The following PHLPP2 variants were observed in gnomAD, a reference collection of about 807,000 sequenced individuals.
PHLPP2 encodes the protein PH domain leucine-rich repeat-containing protein phosphatase 2.
Under a neutral mutation model 124.9 loss-of-function variants are expected in PHLPP2, and 66 were observed. The observed-to-expected ratio is 0.53, with a 90% confidence interval of 0.43 to 0.65. PHLPP2 has a LOEUF of 0.65. Among genes scored for constraint, PHLPP2 ranks in the 30% least tolerant of loss-of-function variants. PHLPP2 has a pLI of 0.00. For synonymous variants in PHLPP2, 681 were observed against 624.7 expected (o/e 1.09, Z -1.34); for missense variants, 1,685 against 1,600.4 (o/e 1.05, Z -0.90).
intron 3 of PHLPP2, chr16:71,698,473 G>T: frequency 1.3e-6 from 1 of 750,766 alleles, no homozygotes; most frequent in Non-Finnish European, 2.4e-6. Flanking sequence ...CTCGGCCACA[G>T]TGCCCTGCGG....
intron 11 of PHLPP2, among the ~76,000 whole-genome samples, chr16:71,668,460 G>T (rs1047977007): frequency 7.2e-6 from 1 of 139,036 alleles, no homozygotes; most frequent in South Asian, 2.6e-4. Flanking sequence ...AGGCTCTGGA[G>T]TAAAAACGAC....
intron 18 of PHLPP2, among the ~76,000 whole-genome samples, chr16:71,651,663 A>T (rs2044697544): frequency 6.6e-6 from 1 of 152,228 alleles, no homozygotes; most frequent in African/African-American, 2.4e-5. Context: ...ATCACATAAA[A>T]ATGATGGTTT....
At chr16:71,665,273 G>A (rs746036408) in intron 12 of PHLPP2, among the ~76,000 whole-genome samples, 33 of 152,214 alleles carry the variant, frequency 2.2e-4, no homozygotes, top group Admixed American at 1.0e-3. Flanking sequence ...TCGTGCCACC[G>A]CACTCCAGCC....
chr16:71,683,226 T>C (rs2045019980), intron 5 of PHLPP2, among the ~76,000 whole-genome samples: 1 of 151,924 alleles, frequency 6.6e-6, no homozygotes, highest in South Asian at 2.1e-4. Context: ...CCTTATACTA[T>C]AACAATCTCT....
At chr16:71,691,171 T>C (rs1349109905) in intron 3 of PHLPP2, among the ~76,000 whole-genome samples, 1 of 152,180 alleles carries the variant, frequency 6.6e-6, no homozygotes, top group African/African-American at 2.4e-5. Flanking sequence ...TTAAGTAAGA[T>C]GGCCAGCTGC....
intron 4 of PHLPP2, among the ~76,000 whole-genome samples, chr16:71,685,482 C>T (rs1374762704): frequency 6.6e-6 from 1 of 152,174 alleles, no homozygotes; most frequent in Non-Finnish European, 1.5e-5. Flanking sequence ...TGGAAACTTA[C>T]ATTAGGTTTC....
rs1321486900 is a variant in PHLPP2 at position 71,699,435 on chromosome 16, G to A, written c.418+3163C>T. Among the ~76,000 whole-genome samples the A allele has an allele frequency of 5.3e-5, 8 of 152,272 alleles. No homozygotes were observed. In the East Asian group the frequency reaches 7.7e-4, roughly 15 times the overall value. On this transcript the variant is annotated intron_variant, in intron 3 of 18. Transcript: ENST00000568954. ...AAGCAGCTGGACATCAGGGAGAGGC[G>A]ACTTGACTTCAGAAGACAGTGGCAG...
chr16:71,681,833 A>G lies in PHLPP2; in HGVS notation c.808T>C (p.Tyr270His). 1.2e-6 allele frequency: 2 copies of G among 1,613,922 alleles called. No individual in the cohort carries two copies. The highest frequency in any genetic ancestry group is 1.7e-6 in the Non-Finnish European group (2 of 1,179,860). Residue 270 changes from tyrosine to histidine, a missense_variant, in exon 6 of 19, where the codon TAT becomes CAT. Transcript: ENST00000568954. Reference sequence around the variant, plus strand: ...TTGAGGTAGGTAATATCTTGACTATAGAAGAGATGCTCAGGAACCTCCTCG... The same window carrying G: ...TTGAGGTAGGTAATATCTTGACTATGGAAGAGATGCTCAGGAACCTCCTCG... ...SLEEVPEHLF[Y>H]SQDITYLNLR...
chr16:71,723,445 A>C, intron 1 of PHLPP2: 1 of 153,054 alleles, frequency 6.5e-6, no homozygotes, highest in South Asian at 2.1e-4. Flanking sequence ...CGGCGAGGCA[A>C]GCAGGGGCGG....
intron 1 of PHLPP2, among the ~76,000 whole-genome samples, chr16:71,720,008 G>T (rs1476025292): frequency 9.3e-6 from 1 of 107,968 alleles, no homozygotes; most frequent in African/African-American, 3.9e-5. Flanking sequence ...TGTCGCTGTT[G>T]TCCAGGCTGC....
intron 13 of PHLPP2, among the ~76,000 whole-genome samples, chr16:71,662,604 A>T (rs758768161): frequency 3.2e-4 from 48 of 152,328 alleles, no homozygotes; most frequent in South Asian, 6.2e-4. Flanking sequence ...ATAATTTTAT[A>T]ATTTACATAC....
chr16:71,664,233 C>G, intron 12 of PHLPP2, 134 bp from the exon 13 acceptor site: 1 of 655,700 alleles, frequency 1.5e-6, no homozygotes, highest in East Asian at 2.7e-5. Flanking sequence ...AAAATCTCCA[C>G]GTAGTTTTTC....
Position 71,709,482 on chromosome 16 carries a change from CTAAGAA to C in PHLPP2, c.284+5024_284+5029del, listed in dbSNP as rs1347404338. Among the ~76,000 whole-genome samples the C allele has an allele frequency of 1.3e-4, 20 of 152,238 alleles. No homozygotes were observed. The South Asian group carries it at 3.7e-3, about 28-fold the overall frequency. On this transcript the variant is annotated intron_variant, in intron 2 of 18. Coordinates refer to ENST00000568954, the MANE Select transcript of PHLPP2 (RefSeq NM_015020.3). ...GAAAAACAGTTGGTTATTTCGATGA[CTAAGAA>C]TAAAAGTATATGACCATCAGCCAAA... is the stretch of plus-strand genomic sequence containing the variant.
rs2044673205 is a variant in PHLPP2 at position 71,648,950 on chromosome 16, C to T, written c.3912G>A (p.Glu1304=). ...TCCGATCCTCTTCATGGGGCTCAGG[C>T]TCGAGCCGGCTGTCCTGGTGCTGTT... ...QMKQHQDSRL[E]PEPHEEDRTE... is the part of the protein sequence containing the mutation. The change falls in exon 19 of 19, where the codon GAG becomes GAA. Residue 1304 remains glutamate, a synonymous_variant. Coordinates refer to ENST00000568954, the MANE Select transcript of PHLPP2 (RefSeq NM_015020.3). 6.2e-7 allele frequency: 1 copy of T among 1,613,728 alleles called. No homozygotes were observed. The highest frequency in any genetic ancestry group is 1.3e-5 in the African/African-American group (1 of 75,036).
At chr16:71,715,313 G>A (rs2045355092) in intron 1 of PHLPP2, 1 of 154,232 alleles carries the variant, frequency 6.5e-6, no homozygotes, top group African/African-American at 2.4e-5. Flanking sequence ...AGGTTGCAGT[G>A]AGCCGTGATT....
rs759704946 is a variant in PHLPP2, at chr16:71,702,717, G to C, written c.299C>G (p.Thr100Ser). The C allele has an allele frequency of 1.2e-6, 2 of 1,604,404 alleles. No homozygotes were observed. Among genetic ancestry groups the C allele is most frequent in the South Asian group, 1.1e-5 (1 of 90,018 alleles). Residue 100 changes from threonine to serine, a missense_variant, in exon 3 of 19, where the codon ACT becomes AGT. Transcript: ENST00000568954. Reference sequence around the variant, plus strand: ...ATAAACGATCTGAAGAGGTCGTTCAGTAGGTTCCAGTCTCCTGATTACACA... The same window carrying C: ...ATAAACGATCTGAAGAGGTCGTTCACTAGGTTCCAGTCTCCTGATTACACA... ...HGDLVRRLEP[T>S]ERPLQIVYDY...
At chr16:71,695,536 C>T (rs958428242) in intron 3 of PHLPP2, among the ~76,000 whole-genome samples, 8 of 152,092 alleles carry the variant, frequency 5.3e-5, no homozygotes, top group Non-Finnish European at 8.8e-5. Flanking sequence ...TGGTGAAACC[C>T]CGCCTCTACT....
chr16:71,667,216 G>A lies in PHLPP2; in HGVS notation c.1746C>T (p.Leu582=), dbSNP rs2044846928. 1.9e-6 allele frequency: 3 copies of A among 1,613,790 alleles called. No individual in the cohort carries two copies. Among genetic ancestry groups the A allele is most frequent in the African/African-American group, 1.3e-5 (1 of 75,002 alleles). Residue 582 remains leucine (L), a synonymous_variant, in exon 12 of 19, where the codon CTC becomes CTT. Transcript: ENST00000568954. The stretch of plus-strand genomic sequence containing the variant: ...AGAAGAGGGTGTCTGGCAGCCTCGT[G>A]AGTGCATTATGCTGAAGATCCAGCA... ...LEVLDLQHNA[L]TRLPDTLFSK... is the part of the protein sequence containing the mutation.
chr16:71,674,225 G>A (rs1028932476), intron 9 of PHLPP2, among the ~76,000 whole-genome samples: 5 of 151,986 alleles, frequency 3.3e-5, no homozygotes, highest in Non-Finnish European at 5.9e-5. Context: ...TTACAGGCAC[G>A]CGCCACCATG....
Sources: gnomAD v4.1 joint callset for allele counts (sites outside exome capture counted in the v4.1 genomes callset) on GRCh38, gnomAD v4.1.1 for gene constraint, MANE v1.5 for transcripts, NCBI Gene and HGNC (gene_info 2026-07-23, HGNC 2026-07-21) for gene names.